Variants in CATSPERT observed in about 807,000 individuals in gnomAD.
CATSPERT encodes catsper channel auxiliary subunit tau.
chr2:201,532,647 T>C, the CATSPERT span, among the ~76,000 whole-genome samples: 12 of 152,142 alleles, frequency 7.9e-5, no homozygotes, highest in African/African-American at 2.4e-4. Flanking sequence ...ATACAAGGAC[T>C]GGGTGTGAGA....
At chr2:201,516,826 C>T in the CATSPERT span, among the ~76,000 whole-genome samples, 2 of 151,752 alleles carry the variant, frequency 1.3e-5, no homozygotes, top group African/African-American at 4.8e-5. Context: ...ACAGATGCTC[C>T]AACAGCTGTC....
chr2:201,533,661 T>C, the CATSPERT span, among the ~76,000 whole-genome samples: 32 of 152,200 alleles, frequency 2.1e-4, no homozygotes, highest in Non-Finnish European at 4.1e-4. Context: ...ATTGAGGATC[T>C]TGGGAGGCAA....
chr2:201,614,227 C>G, the CATSPERT span, among the ~76,000 whole-genome samples: 1 of 152,040 alleles, frequency 6.6e-6, no homozygotes, highest in Non-Finnish European at 1.5e-5. Flanking sequence ...AGATACTCCT[C>G]GAGAAGAGGA....
chr2:201,548,719 T>C, the CATSPERT span, among the ~76,000 whole-genome samples: 3 of 152,060 alleles, frequency 2.0e-5, no homozygotes, highest in Non-Finnish European at 4.4e-5. Flanking sequence ...CAATAAAACC[T>C]GACAAAGACA....
the CATSPERT span, chr2:201,554,463 C>G: frequency 3.9e-5 from 6 of 152,140 alleles, no homozygotes; most frequent in Non-Finnish European, 8.8e-5. Flanking sequence ...TGAATTCACA[C>G]AACTATGCAC....
the CATSPERT span, among the ~76,000 whole-genome samples, chr2:201,509,507 G>A: frequency 6.6e-6 from 1 of 150,684 alleles, no homozygotes; most frequent in Admixed American, 6.6e-5. Context: ...TTTACATTCA[G>A]TTTTAAATGC....
At chr2:201,593,240 C>G in the CATSPERT span, among the ~76,000 whole-genome samples, 4 of 151,618 alleles carry the variant, frequency 2.6e-5, no homozygotes, top group South Asian at 8.4e-4. Flanking sequence ...TTGTTATGTA[C>G]CCAGTAGTCA....
At chr2:201,569,468 C>A in the CATSPERT span, among the ~76,000 whole-genome samples, 2 of 152,156 alleles carry the variant, frequency 1.3e-5, no homozygotes, top group Non-Finnish European at 2.9e-5. Flanking sequence ...GGTAACCATG[C>A]CCACCTTGCC....
chr2:201,610,300 GA>G, the CATSPERT span, among the ~76,000 whole-genome samples: 1 of 151,390 alleles, frequency 6.6e-6, no homozygotes, highest in African/African-American at 2.4e-5. Context: ...TAAAATATAT[GA>G]AAAAAAATTA....
At chr2:201,491,551 C>A in the CATSPERT span, 1 of 1,536,930 alleles carries the variant, frequency 6.5e-7, no homozygotes, top group Non-Finnish European at 8.7e-7. Flanking sequence ...CAATGTCTGA[C>A]AATACTGGTC....
the CATSPERT span, chr2:201,535,786 G>C: frequency 7.3e-7 from 1 of 1,362,540 alleles, no homozygotes; most frequent in Non-Finnish European, 9.4e-7. Flanking sequence ...TTTTAAAATA[G>C]ATTATTTTGT....
the CATSPERT span, among the ~76,000 whole-genome samples, chr2:201,489,497 C>T: frequency 6.6e-6 from 1 of 151,826 alleles, no homozygotes; most frequent in Non-Finnish European, 1.5e-5. Flanking sequence ...ATATTTATAC[C>T]CTGTCACTAT....
the CATSPERT span, among the ~76,000 whole-genome samples, chr2:201,618,103 TGTTGGTGGGAGTG>T: frequency 8.5e-5 from 13 of 152,218 alleles, no homozygotes; most frequent in African/African-American, 3.1e-4. Context: ...GCTTTTACAC[TGTTGGTGGGAGTG>T]TAAACTAGTT....
At chr2:201,507,815 C>T in the CATSPERT span, among the ~76,000 whole-genome samples, 1 of 152,134 alleles carries the variant, frequency 6.6e-6, no homozygotes, top group Admixed American at 6.5e-5. Flanking sequence ...AACTTCGAAT[C>T]ATGGTGGGAG....
At chr2:201,595,622 C>T in the CATSPERT span, among the ~76,000 whole-genome samples, 3 of 151,880 alleles carry the variant, frequency 2.0e-5, no homozygotes, top group African/African-American at 7.3e-5. Context: ...GTCAGGGACC[C>T]ACTTGAGGAT....
At chr2:201,592,904 C>A in the CATSPERT span, among the ~76,000 whole-genome samples, 8 of 151,886 alleles carry the variant, frequency 5.3e-5, no homozygotes, top group African/African-American at 1.9e-4. Flanking sequence ...AGCGGTCTAT[C>A]AATTTTGTTG....
the CATSPERT span, among the ~76,000 whole-genome samples, chr2:201,566,781 C>G: frequency 6.6e-6 from 1 of 152,208 alleles, no homozygotes; most frequent in Admixed American, 6.5e-5. Context: ...AATCACCACA[C>G]TGTCTTCCAC....
the CATSPERT span, among the ~76,000 whole-genome samples, chr2:201,562,694 G>A: frequency 2.1e-5 from 3 of 144,238 alleles, no homozygotes; most frequent in Admixed American, 7.0e-5. Flanking sequence ...CTGGGTACTT[G>A]AGATTAGGGA....
chr2:201,517,068 G>T, the CATSPERT span, among the ~76,000 whole-genome samples: 1 of 151,916 alleles, frequency 6.6e-6, no homozygotes, highest in Non-Finnish European at 1.5e-5. Context: ...CTACCTGGGA[G>T]CCTTTGGTGC....
Sources: allele counts gnomAD v4.1 joint callset (sites outside exome capture counted in the v4.1 genomes callset), GRCh38; gene constraint gnomAD v4.1.1; transcripts MANE v1.5; gene names NCBI Gene and HGNC (gene_info 2026-07-23, HGNC 2026-07-21).